The following WDR64 variants were observed in gnomAD, a reference collection of about 807,000 sequenced individuals.
WDR64 encodes WD repeat domain 64.
Under a neutral mutation model 139.3 loss-of-function variants are expected in WDR64, and 112 were observed. The ratio of observed to expected loss-of-function variants is 0.80; its 90% CI spans 0.69 to 0.94. The LOEUF (loss-of-function observed/expected upper bound fraction) is 0.94. WDR64 is among the 40% of genes least tolerant of loss of function. The pLI, the probability that WDR64 is intolerant of heterozygous loss-of-function variation, is 0.00. For missense variants in WDR64, 1,206 were observed against 1,293.1 expected (o/e 0.93, Z 1.03); for synonymous variants, 444 against 437.7 (o/e 1.01, Z -0.18).
chr1:241,760,640 G>A (rs1670392564), intron 15 of WDR64, among the ~76,000 whole-genome samples: 1 of 149,596 alleles, frequency 6.7e-6, no homozygotes, highest in Non-Finnish European at 1.5e-5. Flanking sequence ...AATAGTCCAA[G>A]CATGTATTAG....
intron 15 of WDR64, among the ~76,000 whole-genome samples, chr1:241,765,403 G>A (rs1462229429): frequency 6.6e-6 from 1 of 152,028 alleles, no homozygotes; most frequent in Non-Finnish European, 1.5e-5. Context: ...ATGTATTTGA[G>A]ATAAACCCCA....
rs983885997 is a variant in WDR64, at chr1:241,654,265, CT to C, written c.145+1639del. Among the ~76,000 whole-genome samples the C allele has an allele frequency of 1.2e-3, 176 of 152,270 alleles. 2 individuals carry two copies. Among genetic ancestry groups the C allele is most frequent in the Admixed American group, 0.012 (176 of 15,292 alleles). On this transcript the variant is annotated intron_variant, in intron 1 of 27. Coordinates refer to ENST00000437684, the MANE Select transcript of WDR64 (RefSeq NM_001367482.1). ...ATATACTCAAGCATCATGACCTTGA[CT>C]TTCTCTTTTCTTTAAGCTACCACTG... is the stretch of plus-strand genomic sequence containing the variant.
intron 8 of WDR64, among the ~76,000 whole-genome samples, chr1:241,709,644 T>G (rs2148168595): frequency 6.6e-6 from 1 of 152,236 alleles, no homozygotes; most frequent in African/African-American, 2.4e-5. Flanking sequence ...TTAGGCTTTG[T>G]GAGCCCCAGT....
chr1:241,706,862 G>A (rs1667971980), intron 8 of WDR64, among the ~76,000 whole-genome samples: 1 of 152,116 alleles, frequency 6.6e-6, no homozygotes, highest in Non-Finnish European at 1.5e-5. Context: ...TAATTGTAGT[G>A]TCTATTTCAA....
At chr1:241,779,131 C>G (rs1658760289) in intron 21 of WDR64, among the ~76,000 whole-genome samples, 1 of 151,994 alleles carries the variant, frequency 6.6e-6, no homozygotes, top group Non-Finnish European at 1.5e-5. Flanking sequence ...GTTAATTTTG[C>G]AAAGTACAGA....
At chr1:241,735,799 C>T (rs1669285307) in intron 10 of WDR64, among the ~76,000 whole-genome samples, 1 of 145,876 alleles carries the variant, frequency 6.9e-6, no homozygotes, top group South Asian at 2.2e-4. Context: ...TGAGCCACTG[C>T]TCCCAGCCTG....
At chr1:241,798,488 G>C (rs1659430139) in intron 27 of WDR64, among the ~76,000 whole-genome samples, 1 of 152,110 alleles carries the variant, frequency 6.6e-6, no homozygotes. Context: ...ACTCCAAAGA[G>C]CCTAAATGGA....
chr1:241,751,902 C>T (rs1669994273), intron 14 of WDR64, among the ~76,000 whole-genome samples: 2 of 152,130 alleles, frequency 1.3e-5, no homozygotes, highest in South Asian at 4.1e-4. Context: ...TATATGAAAC[C>T]TTTGGCAAAT....
In WDR64 at chr1:241,757,310, G is replaced by T; in HGVS notation, c.1798G>T (p.Val600Leu). The T allele has an allele frequency of 6.2e-7, 1 of 1,613,802 alleles. No homozygotes were observed. Among genetic ancestry groups the T allele is most frequent in the Non-Finnish European group, 8.5e-7 (1 of 1,179,916 alleles). The change falls in exon 15 of 28, where the codon GTG (valine) becomes TTG (leucine). Residue 600 changes from valine to leucine, a missense_variant. Val to Leu is a conservative substitution (Grantham distance 32). Coordinates refer to ENST00000437684, the MANE Select transcript of WDR64 (RefSeq NM_001367482.1). ...QGKEDDIYLMVIWELPDVVPF... is the reference protein window; with the variant it reads ...QGKEDDIYLMLIWELPDVVPF... ...TAAGGAAGATGATATCTACCTCATG[G>T]TGATCTGGGAGCTGCCTGATGTTGT... is the stretch of plus-strand genomic sequence containing the variant.
At chr1:241,742,017 T>C (rs1021805533) in intron 12 of WDR64, among the ~76,000 whole-genome samples, 5 of 152,192 alleles carry the variant, frequency 3.3e-5, no homozygotes, top group African/African-American at 9.7e-5. Flanking sequence ...GGAATAAATT[T>C]ATAGGTGTTT....
At chr1:241,697,096 C>T (rs1471215875) in intron 8 of WDR64, among the ~76,000 whole-genome samples, 1 of 152,192 alleles carries the variant, frequency 6.6e-6, no homozygotes, top group African/African-American at 2.4e-5. Context: ...TATCTGCTCA[C>T]TGCATCTGAT....
chr1:241,727,504 C>A (rs1344326489), intron 10 of WDR64, among the ~76,000 whole-genome samples: 4 of 152,124 alleles, frequency 2.6e-5, no homozygotes, highest in South Asian at 2.1e-4. Context: ...GAATGTTTAG[C>A]CCAGAGGGCC....
chr1:241,771,602 T>C (rs1658433433), intron 18 of WDR64, 59 bp from the exon 19 acceptor site: 4 of 1,285,436 alleles, frequency 3.1e-6, no homozygotes, highest in African/African-American at 3.1e-5. Context: ...AATCACCCAG[T>C]ATATCTCATT....
chr1:241,708,702 T>C (rs1668051901), intron 8 of WDR64, among the ~76,000 whole-genome samples: 1 of 63,862 alleles, frequency 1.6e-5, no homozygotes, highest in Non-Finnish European at 3.3e-5. Context: ...GTTTTTTTTT[T>C]TGTTTTTTTG....
chr1:241,754,721 GC>G lies in WDR64; in HGVS notation c.1771-2556del, dbSNP rs548385944. Among the ~76,000 whole-genome samples, 729 of 150,906 alleles carry G rather than the reference GC, an allele frequency of 4.8e-3. 4 individuals carry two copies. The highest frequency in any genetic ancestry group is 0.017 in the African/African-American group (696 of 41,044). Reference sequence around the variant, plus strand: ...TTCTCCTAACACCATTGCTCCCCTAGCCCCCCACCCCCTGACAGGCCCCAGT... The same window carrying G: ...TTCTCCTAACACCATTGCTCCCCTAGCCCCCACCCCCTGACAGGCCCCAGT... On this transcript the variant is annotated intron_variant, in intron 14 of 27. Coordinates refer to ENST00000437684, the MANE Select transcript of WDR64 (RefSeq NM_001367482.1).
intron 20 of WDR64, among the ~76,000 whole-genome samples, chr1:241,773,211 T>A (rs1658526829): frequency 6.6e-6 from 1 of 152,138 alleles, no homozygotes; most frequent in African/African-American, 2.4e-5. Flanking sequence ...ATCAAACACA[T>A]TACAGACAGA....
rs1658491003 is a variant in WDR64, at chr1:241,772,451, C to CCTTTTTTTT, written c.2291-341_2291-340insCTTTTTTTT. Among the ~76,000 whole-genome samples, 4 of 59,054 alleles carry CCTTTTTTTT rather than the reference C, an allele frequency of 6.8e-5. No individual in the cohort carries two copies. The South Asian group carries it at 4.1e-3, about 60-fold the overall frequency. The allele number at this position is 59,054 out of a possible 152,430, so 38.7% of individuals were successfully genotyped here. A position where few individuals can be genotyped will look rare whatever the true frequency, so the allele number is the denominator to read the frequency against. ...AGTATTGCAAATTCCAAGATAGATC[C>CCTTTTTTTT]TTTTTTTTTTTTTTTTTTTTTTTTT... is the stretch of plus-strand genomic sequence containing the variant. On this transcript the variant is annotated intron_variant, in intron 19 of 27. Transcript: ENST00000437684.
intron 8 of WDR64, among the ~76,000 whole-genome samples, chr1:241,698,977 G>C (rs1160104388): frequency 6.6e-6 from 1 of 152,156 alleles, no homozygotes; most frequent in Non-Finnish European, 1.5e-5. Context: ...CTTGGTGGCA[G>C]GAAAGAGAAG....
intron 8 of WDR64, among the ~76,000 whole-genome samples, chr1:241,706,579 A>C (rs1350554500): frequency 1.3e-5 from 2 of 152,238 alleles, no homozygotes; most frequent in Non-Finnish European, 2.9e-5. Context: ...TACTAAATTG[A>C]GACTCCTTTT....
Sources: gnomAD v4.1 joint callset for allele counts (sites outside exome capture counted in the v4.1 genomes callset) on GRCh38, gnomAD v4.1.1 for gene constraint, MANE v1.5 for transcripts, NCBI Gene and HGNC (gene_info 2026-07-23, HGNC 2026-07-21) for gene names.